COL8A2: variants seen among roughly 807,000 people sequenced by gnomAD.
COL8A2 encodes the protein collagen type VIII alpha 2 chain.
COL8A2 carries 16 observed loss-of-function variants against 24.0 expected under a neutral mutation model. The observed-to-expected ratio is 0.67, with a 90% CI of 0.45 to 1.01. COL8A2 has a LOEUF of 1.01. COL8A2 is among the 50% of genes least tolerant of loss of function. The pLI, the probability that COL8A2 is intolerant of heterozygous loss-of-function variation, is 0.00. For synonymous variants in COL8A2, 466 were observed against 424.5 expected (o/e 1.10, Z -1.20); for missense variants, 818 against 942.4 (o/e 0.87, Z 1.73).
Position 36,099,010 on chromosome 1 carries a change from G to A in COL8A2, c.671C>T (p.Ala224Val). The A allele has an allele frequency of 5.1e-6, 8 of 1,578,826 alleles. No individual in the cohort carries two copies. The highest frequency in any genetic ancestry group is 6.0e-6 in the Non-Finnish European group (7 of 1,161,038). Residue 224 changes from alanine (A) to valine (V), a missense_variant, in exon 4 of 4, where the codon GCC becomes GTC. Coordinates refer to ENST00000397799, the MANE Select transcript of COL8A2 (RefSeq NM_005202.4). ...ACCAGGGAGGCCGGGGGGGCCGGGGGCACCCCCCTGCCCTGGGGCCCCAGG... is the reference window on the plus strand; with the variant it reads ...ACCAGGGAGGCCGGGGGGGCCGGGGACACCCCCCTGCCCTGGGGCCCCAGG... ...GLPGAPGQGG[A>V]PGPPGLPGPA...
At position 36,103,833 on chromosome 1, in the gene COL8A2, C is replaced by G. The variant is rs999788273; in HGVS notation, c.-16-3575G>C. 5.9e-5 allele frequency among the ~76,000 whole-genome samples: 9 copies of G among 152,166 alleles called. 1 individual carries two copies. In the South Asian group the frequency reaches 1.7e-3, roughly 28 times the overall value. ...TCCTGACCTCAGGTGATCCACCCGT[C>G]TCAGCCTCCCAAAGTGCTGGGATTA... On this transcript the variant is annotated intron_variant, in intron 2 of 3. Transcript: ENST00000397799.
chr1:36,125,198 G>T lies in COL8A2; in HGVS notation c.-203C>A, dbSNP rs990344975. 6 of 359,888 alleles carry T rather than the reference G, an allele frequency of 1.7e-5. No individual in the cohort carries two copies. The highest frequency in any genetic ancestry group is 8.9e-5 in the African/African-American group (4 of 45,168). The allele number at this position is 359,888 out of a possible 1,614,324, so 22.3% of individuals were successfully genotyped here. A position where few individuals can be genotyped will look rare whatever the true frequency, so the allele number is the denominator to read the frequency against. On this transcript the variant is annotated 5_prime_UTR_variant, in exon 1 of 4. Transcript: ENST00000397799. The surrounding 1 kb of genome is among the most constrained non-coding windows in gnomAD (Gnocchi z 4.5). ...CGGCGGGGTTCCGCGTCGCTCTGCC[G>T]GCCGCCCCTCGCGGCTGCCGGAGTG...
chr1:36,122,737 C>T (rs932357207), intron 1 of COL8A2, among the ~76,000 whole-genome samples: 4 of 152,144 alleles, frequency 2.6e-5, no homozygotes, highest in African/African-American at 7.2e-5. Context: ...TCCCTTGCCT[C>T]GAAGATCCCC....
intron 1 of COL8A2, among the ~76,000 whole-genome samples, chr1:36,121,888 C>T (rs1003681983): frequency 6.6e-6 from 1 of 152,080 alleles, no homozygotes; most frequent in Non-Finnish European, 1.5e-5. Context: ...CCCTCTGAGT[C>T]TCCATAACCC....
At chr1:36,113,985 G>A (rs542432012) in intron 2 of COL8A2, among the ~76,000 whole-genome samples, 127 of 152,130 alleles carry the variant, frequency 8.3e-4, no homozygotes, top group Non-Finnish European at 1.5e-3. Flanking sequence ...TGAACCTGGG[G>A]CTCTGGAACT....
chr1:36,124,979 T>G, intron 1 of COL8A2, 78 bp downstream of exon 1: 14 of 491,660 alleles, frequency 2.8e-5, no homozygotes, highest in Non-Finnish European at 3.4e-5. Context: ...TCCCGCATGG[T>G]GTTGGGGGAA....
intron 1 of COL8A2, among the ~76,000 whole-genome samples, chr1:36,117,994 C>G (rs996908812): frequency 6.6e-5 from 10 of 152,146 alleles, no homozygotes; most frequent in Non-Finnish European, 1.3e-4. Flanking sequence ...CCTTGAATAT[C>G]AGGATCAGAG....
chr1:36,108,669 G>A (rs1291064789), intron 2 of COL8A2, among the ~76,000 whole-genome samples: 5 of 152,164 alleles, frequency 3.3e-5, no homozygotes, highest in East Asian at 3.9e-4. Flanking sequence ...CAAGGAGACC[G>A]GCTGGGAGTG....
intron 1 of COL8A2, among the ~76,000 whole-genome samples, chr1:36,124,128 C>T (rs1012472292): frequency 4.3e-4 from 66 of 152,224 alleles, no homozygotes; most frequent in African/African-American, 1.4e-3. Context: ...TGCTGCCAGC[C>T]TGAGCAAGAG....
chr1:36,104,548 C>T (rs1219041005), intron 2 of COL8A2, among the ~76,000 whole-genome samples: 2 of 151,512 alleles, frequency 1.3e-5, no homozygotes, highest in Non-Finnish European at 2.9e-5. Context: ...TGGCTCACAC[C>T]TGTAATCCCA....
chr1:36,113,147 C>A lies in COL8A2; in HGVS notation c.-17+2561G>T, dbSNP rs547768660. Among the ~76,000 whole-genome samples the A allele has an allele frequency of 3.9e-5, 6 of 152,310 alleles. No individual in the cohort carries two copies. The East Asian group carries it at 1.2e-3, about 29-fold the overall frequency. Reference sequence around the variant, plus strand: ...AAGAGTCACGGGGGTAAGGAGAGGGCCAGGGACCAGCTCAACGCAGGAGCC... The same window carrying A: ...AAGAGTCACGGGGGTAAGGAGAGGGACAGGGACCAGCTCAACGCAGGAGCC... On this transcript the variant is annotated intron_variant, in intron 2 of 3. Transcript: ENST00000397799.
chr1:36,120,673 G>A (rs1477904464), intron 1 of COL8A2, among the ~76,000 whole-genome samples: 27 of 149,658 alleles, frequency 1.8e-4, no homozygotes, highest in Non-Finnish European at 3.1e-4. Flanking sequence ...ACTTGAACCC[G>A]GGAGGCAGAG....
intron 2 of COL8A2, among the ~76,000 whole-genome samples, chr1:36,112,363 T>G (rs1048721177): frequency 1.3e-5 from 2 of 152,184 alleles, no homozygotes; most frequent in African/African-American, 4.8e-5. Flanking sequence ...AAACCCTCTA[T>G]GCCTTGGTGT....
rs1643821307 is a variant in COL8A2, at chr1:36,110,266, T to TA, written c.-17+5441_-17+5442insT. Among the ~76,000 whole-genome samples the TA allele has an allele frequency of 7.4e-5, 7 of 94,826 alleles. No individual in the cohort carries two copies. In the South Asian group the frequency reaches 1.0e-3, roughly 14 times the overall value. 62.2% of individuals were successfully genotyped at this position (94,826 alleles called of 152,430 possible). The stretch of plus-strand genomic sequence containing the variant: ...ACTGTCTTAATGAGCTTGCTCTCAT[T>TA]TAAAAAAAAAAAAAAAAAGGATTAA... On this transcript the variant is annotated intron_variant, in intron 2 of 3. Transcript: ENST00000397799.
rs866434432 is a variant in COL8A2, at chr1:36,125,157, G to C, written c.-162C>G. 12 of 540,004 alleles carry C rather than the reference G, an allele frequency of 2.2e-5. No individual in the cohort carries two copies. The highest frequency in any genetic ancestry group is 2.8e-5 in the Non-Finnish European group (12 of 425,124). 33.5% of individuals were successfully genotyped at this position (540,004 alleles called of 1,614,324 possible). On this transcript the variant is annotated 5_prime_UTR_variant, in exon 1 of 4. Coordinates refer to ENST00000397799, the MANE Select transcript of COL8A2 (RefSeq NM_005202.4). The surrounding 1 kb of genome is among the most constrained non-coding windows in gnomAD (Gnocchi z 4.5). ...TCCGCGGCTGGGCGGGCGGCGTTGG[G>C]GTCCGGGGTCCGCGCCGGCGGGGTT...
At position 36,097,540 on chromosome 1, in the gene COL8A2, G is replaced by A. The variant is rs1643587687; in HGVS notation, c.*29C>T. On this transcript the variant is annotated 3_prime_UTR_variant, in exon 4 of 4. Coordinates refer to ENST00000397799, the MANE Select transcript of COL8A2 (RefSeq NM_005202.4). ...GTCGCTCTACCACTAAAGGGGAGGA[G>A]GCCAGGGCAGCAGGACCCCCCCCGC... is the stretch of plus-strand genomic sequence containing the variant. 6.5e-7 allele frequency: 1 copy of A among 1,542,398 alleles called. No homozygotes were observed. The highest frequency in any genetic ancestry group is 8.9e-7 in the Non-Finnish European group (1 of 1,125,440).
At chr1:36,120,460 TA>T (rs1161359187) in intron 1 of COL8A2, among the ~76,000 whole-genome samples, 1 of 144,670 alleles carries the variant, frequency 6.9e-6, no homozygotes, top group East Asian at 2.1e-4. Context: ...AAAAAATAAA[TA>T]AAAAGAGGAC....
chr1:36,100,022 A>T, intron 3 of COL8A2, 28 bp downstream of exon 3: 1 of 1,601,204 alleles, frequency 6.2e-7, no homozygotes, highest in African/African-American at 1.3e-5. Flanking sequence ...GAGCGATTTG[A>T]GGCACTGTGG....
At chr1:36,103,679 G>T (rs1400312621) in intron 2 of COL8A2, among the ~76,000 whole-genome samples, 1 of 151,498 alleles carries the variant, frequency 6.6e-6, no homozygotes, top group South Asian at 2.1e-4. Flanking sequence ...TGCTTCCCGG[G>T]TTCAAGCTAT....
Sources: allele counts gnomAD v4.1 joint callset (sites outside exome capture counted in the v4.1 genomes callset), GRCh38; gene constraint gnomAD v4.1.1; non-coding constraint Gnocchi (gnomAD v3.1); transcripts MANE v1.5; gene names NCBI Gene and HGNC (gene_info 2026-07-23, HGNC 2026-07-21).